Variants in CITED1 observed in about 807,000 individuals in gnomAD.
CITED1 encodes Cbp/p300 interacting transactivator with ED-rich tail 1.
Under a neutral mutation model 8.5 loss-of-function variants are expected in CITED1, and 3 were observed. The ratio of observed to expected loss-of-function variants is 0.35; its 90% CI spans 0.16 to 0.91. The LOEUF (loss-of-function observed/expected upper bound fraction) is 0.91, where lower values mean the gene tolerates loss of function less well. Ranked by LOEUF, CITED1 falls within the 40% of genes least tolerant of loss-of-function variation. The probability of loss-of-function intolerance (pLI) is 0.46; values close to 1 mark genes in which losing one functional copy is unlikely to be tolerated. For missense variants in CITED1, 113 were observed against 154.8 expected, an observed-to-expected ratio of 0.73 and a Z score of 1.43; for synonymous variants, 54 against 67.4, an observed-to-expected ratio of 0.80 and a Z score of 0.97.
At chrX:72,306,233 C>T (rs1002143891), upstream of CITED1, among the ~76,000 whole-genome samples, 2 of 111,361 alleles carry the variant, frequency 1.8e-5, no homozygotes, top group Non-Finnish European at 3.8e-5. Context: ...GCTGCCGTCT[C>T]CCCGGGAGAA....
chrX:72,306,455 C>T (rs1804452962), upstream of CITED1: 1 of 112,143 alleles, frequency 8.9e-6, no homozygotes, highest in Admixed American at 9.3e-5. Flanking sequence ...AGCCCGGCGC[C>T]CAGCCCGGCG....
intron 2 of CITED1, among the ~76,000 whole-genome samples, 171 bp downstream of exon 2, chrX:72,302,639 T>A (rs2043300350): frequency 8.9e-6 from 1 of 112,503 alleles, no homozygotes; most frequent in Non-Finnish European, 1.9e-5. Context: ...ACACCCCTAG[T>A]GGGTTCAATC....
rs937195901 is a variant in CITED1, at chrX:72,305,663, G to A, written c.-66+162C>T. On this transcript the variant is annotated intron_variant, in intron 1 of 2. Coordinates refer to ENST00000651998, the MANE Select transcript of CITED1 (RefSeq NM_001144887.2). ...CGCGGCGAGTCCGCACTCCGGCGCC[G>A]GCTGCTGCCACTCTCGCGCCTGATC... The A allele has an allele frequency of 2.0e-5, 4 of 199,558 alleles. No homozygotes were observed. The Admixed American group carries it at 2.9e-4, about 14-fold the overall frequency. The allele number at this position is 199,558 out of a possible 1,213,427, so 16.4% of individuals were successfully genotyped here. A position where few individuals can be genotyped will look rare whatever the true frequency, so the allele number is the denominator to read the frequency against.
chrX:72,302,052 G>A lies in CITED1; in HGVS notation c.253C>T (p.Leu85=), dbSNP rs752919712. The change falls in exon 3 of 3, where the codon CTG becomes TTG. Residue 85 remains leucine (L), a synonymous_variant. Transcript: ENST00000651998. ...TPPTKPPSFN[L]HPAPHLLASM... is the part of the protein sequence containing the mutation. ...GCCAGCAAGTGAGGGGCGGGGTGCA[G>A]GTTGAAGGATGGGGGTTTAGTGGGA... 4 of 1,195,069 alleles carry A rather than the reference G, an allele frequency of 3.3e-6. No individual in the cohort carries two copies. Among genetic ancestry groups the A allele is most frequent in the East Asian group, 3.0e-5 (1 of 33,230 alleles).
At chrX:72,305,162 C>T in intron 1 of CITED1, 5 of 550,069 alleles carry the variant, frequency 9.1e-6, no homozygotes, top group South Asian at 7.0e-5. Context: ...GCCCGCTCTT[C>T]GCTTCAGGCC....
In CITED1 at chrX:72,301,948, T is replaced by C. The variant is rs1804686; in HGVS notation, c.357A>G (p.Gly119=). 17,226 of 1,210,476 alleles carry C rather than the reference T, an allele frequency of 0.014. 1,514 individuals are homozygous for C. The African/African-American group carries it at 0.26, about 18-fold the overall frequency. ...CCCCAAAGTCCCAGTTTTGCAGGGG[T>C]CCTGCCTCCCCGGGTTGGCCTGGAG... The part of the protein sequence containing the change: ...AATPGQPGEA[G]PLQNWDFGAQ... The change falls in exon 3 of 3, where the codon GGA becomes GGG. Residue 119 remains glycine (G), a synonymous_variant. Transcript: ENST00000651998.
Position 72,301,649 on chromosome X carries a change from C to T in CITED1, c.*74G>A. The T allele has an allele frequency of 8.6e-7, 1 of 1,166,652 alleles. No homozygotes were observed. Among genetic ancestry groups the T allele is most frequent in the Non-Finnish European group, 1.2e-6 (1 of 869,446 alleles). On this transcript the variant is annotated 3_prime_UTR_variant, in exon 3 of 3. Coordinates refer to ENST00000651998, the MANE Select transcript of CITED1 (RefSeq NM_001144887.2). The stretch of plus-strand genomic sequence containing the variant: ...AAGAACACCTCTAGTTGGCCCGTCT[C>T]TTTGTAAGTAACTTTATTTTTATTT...
At position 72,305,074 on chromosome X, in the gene CITED1, T is replaced by C. The variant is rs2043323341; in HGVS notation, c.-66+751A>G. Among the ~76,000 whole-genome samples, 3 of 112,845 alleles carry C rather than the reference T, an allele frequency of 2.7e-5. No homozygotes were observed. In the Admixed American group the frequency reaches 2.8e-4, roughly 10 times the overall value. Reference sequence around the variant, plus strand: ...CTGCGAAACGGCTGCGACAGGCGGCTGGGAAACCTAGAGCAACAAGTGCCT... The same window carrying C: ...CTGCGAAACGGCTGCGACAGGCGGCCGGGAAACCTAGAGCAACAAGTGCCT... On this transcript the variant is annotated intron_variant, in intron 1 of 2. Transcript: ENST00000651998.
intron 1 of CITED1, 35 bp from the exon 2 acceptor site, chrX:72,302,969 A>T: frequency 8.4e-7 from 1 of 1,192,184 alleles, no homozygotes; most frequent in Non-Finnish European, 1.1e-6. Context: ...TAAGGGCAAA[A>T]GGCTTCACTG....
In CITED1 at chrX:72,302,048, T is replaced by A. The variant is rs996601648; in HGVS notation, c.257A>T (p.His86Leu). The change falls in exon 3 of 3, where the codon CAC becomes CTC. Residue 86 changes from histidine to leucine, a missense_variant. Physicochemically the swap from His to Leu is moderately conservative, Grantham distance 99. Coordinates refer to ENST00000651998, the MANE Select transcript of CITED1 (RefSeq NM_001144887.2). ...ACTAGCCAGCAAGTGAGGGGCGGGG[T>A]GCAGGTTGAAGGATGGGGGTTTAGT... The part of the protein sequence containing the change: ...PPTKPPSFNL[H>L]PAPHLLASMH... 8.4e-7 allele frequency: 1 copy of A among 1,194,833 alleles called. No homozygotes were observed. The highest frequency in any genetic ancestry group is 1.8e-5 in the African/African-American group (1 of 56,713).
intron 1 of CITED1, chrX:72,305,509 T>A (rs918534253): frequency 2.4e-6 from 1 of 412,463 alleles, no homozygotes; most frequent in Non-Finnish European, 4.3e-6. Context: ...GCCGGGAGCA[T>A]CCCTTGCACG....
chrX:72,302,074 G>A lies in CITED1; in HGVS notation c.231C>T (p.Pro77=). 8.4e-7 allele frequency: 1 copy of A among 1,191,341 alleles called. No homozygotes were observed. The highest frequency in any genetic ancestry group is 1.7e-5 in the African/African-American group (1 of 57,524). ...SPIGSPTTTP[P]TKPPSFNLHP... ...GCAGGTTGAAGGATGGGGGTTTAGTGGGAGGGGTGGTTGTAGGAGAGCCTA... is the reference window on the plus strand; with the variant it reads ...GCAGGTTGAAGGATGGGGGTTTAGTAGGAGGGGTGGTTGTAGGAGAGCCTA... The change falls in exon 3 of 3, where the codon CCC becomes CCT. Residue 77 remains proline (P), a synonymous_variant. Coordinates refer to ENST00000651998, the MANE Select transcript of CITED1 (RefSeq NM_001144887.2).
chrX:72,305,027 T>C (rs1374744458), intron 1 of CITED1, among the ~76,000 whole-genome samples: 1 of 112,845 alleles, frequency 8.9e-6, no homozygotes. Flanking sequence ...CCCAGCCCGC[T>C]CTCCAAGCCG....
chrX:72,304,212 C>T (rs1201341037), intron 1 of CITED1: 2 of 195,905 alleles, frequency 1.0e-5, no homozygotes, highest in East Asian at 5.1e-4. Context: ...CTCCACTCCG[C>T]AGCGGTCATT....
chrX:72,303,360 GAGA>G (rs751313445), intron 1 of CITED1, among the ~76,000 whole-genome samples: 18 of 112,703 alleles, frequency 1.6e-4, no homozygotes, highest in Non-Finnish European at 1.9e-4. Flanking sequence ...GGGAGAATGT[GAGA>G]AGAAGTCAGG....
chrX:72,306,506 GGAAGCGCGGAGCTCGGT>G (rs1383112176), upstream of CITED1: 3 of 111,547 alleles, frequency 2.7e-5, no homozygotes, highest in Non-Finnish European at 5.7e-5. Context: ...CTGGAGAGAG[GGAAGCGCGGAGCTCGGT>G]GAGCCGCAAG....
Position 72,302,876 on chromosome X carries a change from G to A in CITED1, c.-7C>T. 1 of 1,211,877 alleles carries A rather than the reference G, an allele frequency of 8.3e-7. No homozygotes were observed. Among genetic ancestry groups the A allele is most frequent in the African/African-American group, 1.7e-5 (1 of 58,026 alleles). ...GCCTCGACGTTGTTGGCATTTCAGA[G>A]CCTTGGCAGAAGTTGGATAAATTGG... On this transcript the variant is annotated 5_prime_UTR_variant, in exon 2 of 3. Coordinates refer to ENST00000651998, the MANE Select transcript of CITED1 (RefSeq NM_001144887.2).
chrX:72,305,239 G>T (rs1344969613), intron 1 of CITED1: 2 of 1,051,287 alleles, frequency 1.9e-6, no homozygotes, highest in Non-Finnish European at 2.6e-6. Context: ...AAAGAGAAGG[G>T]AGAGGCAGGT....
rs1648371412 is a variant in CITED1, at chrX:72,305,824, C to G, written c.-66+1G>C. 8.8e-6 allele frequency: 1 copy of G among 113,987 alleles called. No homozygotes were observed. Among genetic ancestry groups the G allele is most frequent in the Non-Finnish European group, 1.8e-5 (1 of 54,274 alleles). 9.4% of individuals were successfully genotyped at this position (113,987 alleles called of 1,213,427 possible). A position where few individuals can be genotyped will look rare whatever the true frequency, so the allele number is the denominator to read the frequency against. On this transcript the variant is annotated splice_donor_variant, in intron 1 of 2. Transcript: ENST00000651998. LOFTEE classifies it low-confidence loss of function (5UTR_SPLICE). The stretch of plus-strand genomic sequence containing the variant: ...AGGCTCGGAGAGGTGCGGTAACTTG[C>G]CCAAGGTCACAGCGCTAGAAAGTGG...
Sources: allele counts gnomAD v4.1 joint callset (sites outside exome capture counted in the v4.1 genomes callset), GRCh38; gene constraint gnomAD v4.1.1; transcripts MANE v1.5; gene names NCBI Gene and HGNC (gene_info 2026-07-23, HGNC 2026-07-21).